The following CCDC178 variants were observed in gnomAD, a reference collection of about 807,000 sequenced individuals.
CCDC178 encodes coiled-coil domain containing 178.
CCDC178 carries 126 observed loss-of-function variants against 117.4 expected under a neutral mutation model. The ratio of observed to expected loss-of-function variants is 1.07; its 90% CI spans 0.93 to 1.24. The LOEUF is 1.24. CCDC178 is among the 50% of genes most tolerant of loss of function. The pLI, the probability that CCDC178 is intolerant of heterozygous loss-of-function variation, is 0.00. For synonymous variants in CCDC178, 283 were observed against 313.4 expected (o/e 0.90, Z 1.02); for missense variants, 1,030 against 986.9 (o/e 1.04, Z -0.59).
intron 14 of CCDC178, among the ~76,000 whole-genome samples, chr18:33,258,705 C>T (rs1485834638): frequency 6.6e-6 from 1 of 152,138 alleles, no homozygotes; most frequent in Admixed American, 6.6e-5. Flanking sequence ...CACACACCTG[C>T]TTTTTAAGTC....
chr18:33,385,193 C>G (rs1398891539), intron 5 of CCDC178, among the ~76,000 whole-genome samples: 2 of 152,176 alleles, frequency 1.3e-5, no homozygotes, highest in Non-Finnish European at 2.9e-5. Flanking sequence ...GTACCCAATA[C>G]AGGAGCACTG....
chr18:33,402,481 T>C (rs1488666230), intron 3 of CCDC178, among the ~76,000 whole-genome samples: 5 of 152,228 alleles, frequency 3.3e-5, no homozygotes, highest in Non-Finnish European at 7.3e-5. Context: ...GCAAGCCTCA[T>C]TCCTAAAGAA....
At chr18:33,346,652 A>G (rs879469646) in intron 8 of CCDC178, among the ~76,000 whole-genome samples, 1 of 152,112 alleles carries the variant, frequency 6.6e-6, no homozygotes, top group Non-Finnish European at 1.5e-5. Context: ...ATCTCAACCA[A>G]TATTTTCAGG....
At chr18:33,354,335 T>C (rs777140519) in intron 7 of CCDC178, among the ~76,000 whole-genome samples, 69 of 152,176 alleles carry the variant, frequency 4.5e-4, no homozygotes, top group Non-Finnish European at 7.4e-4. Context: ...TTTCATCAAA[T>C]TGAAGAGTTT....
chr18:33,249,389 T>G (rs2059590107), intron 14 of CCDC178, among the ~76,000 whole-genome samples: 1 of 152,150 alleles, frequency 6.6e-6, no homozygotes, highest in African/African-American at 2.4e-5. Context: ...TCTAGGGTTT[T>G]TATGGTTTTA....
At chr18:33,266,770 G>C (rs2059821167) in intron 14 of CCDC178, 146 bp downstream of exon 14, 2 of 829,088 alleles carry the variant, frequency 2.4e-6, no homozygotes, top group Admixed American at 7.3e-5. Flanking sequence ...AGTGACTAAA[G>C]GCAACATTTT....
chr18:33,218,731 T>C (rs879878841), intron 18 of CCDC178, among the ~76,000 whole-genome samples: 2 of 152,188 alleles, frequency 1.3e-5, no homozygotes, highest in African/African-American at 2.4e-5. Flanking sequence ...TTTCTTGTTT[T>C]TGCCAGGTTT....
chr18:33,041,909 A>C (rs947660682), intron 21 of CCDC178, among the ~76,000 whole-genome samples: 3 of 151,908 alleles, frequency 2.0e-5, no homozygotes, highest in African/African-American at 7.2e-5. Flanking sequence ...TTAGGGTACA[A>C]ATTTAGCATA....
intron 3 of CCDC178, among the ~76,000 whole-genome samples, chr18:33,402,916 T>C (rs2063728288): frequency 6.6e-6 from 1 of 152,238 alleles, no homozygotes; most frequent in East Asian, 1.9e-4. Flanking sequence ...AGACTTACTC[T>C]ATCAAAATCT....
At chr18:33,231,782 C>A (rs1363071028) in intron 15 of CCDC178, among the ~76,000 whole-genome samples, 1 of 152,146 alleles carries the variant, frequency 6.6e-6, no homozygotes, top group African/African-American at 2.4e-5. Context: ...TCAAGTCTCT[C>A]CAGCAACACG....
chr18:33,088,968 A>G (rs541206278), intron 21 of CCDC178, among the ~76,000 whole-genome samples: 5 of 152,294 alleles, frequency 3.3e-5, no homozygotes, highest in Admixed American at 1.3e-4. Context: ...TATTTTTTAA[A>G]GAGGAGGGCA....
intron 20 of CCDC178, among the ~76,000 whole-genome samples, chr18:33,186,103 A>T (rs2058791194): frequency 6.6e-6 from 1 of 152,078 alleles, no homozygotes; most frequent in Non-Finnish European, 1.5e-5. Context: ...TTCAAGTTAG[A>T]TACATATGAT....
rs2062913297 is a variant in CCDC178 at position 33,347,532 on chromosome 18, A to AT, written c.458-1122dup. Among the ~76,000 whole-genome samples the AT allele has an allele frequency of 2.0e-5, 3 of 152,188 alleles. No homozygotes were observed. In the East Asian group the frequency reaches 5.8e-4, roughly 29 times the overall value. ...TCCTTTATTTGGCATCTTTGAATCT[A>AT]TTGTTTTCTTTTGTCAAATTCTACC... On this transcript the variant is annotated intron_variant, in intron 8 of 22. Coordinates refer to ENST00000383096, the MANE Select transcript of CCDC178 (RefSeq NM_001105528.4).
chr18:33,124,503 T>G (rs271572), intron 20 of CCDC178, among the ~76,000 whole-genome samples: 24,268 of 152,176 alleles, frequency 0.16, 2,679 homozygotes, highest in African/African-American at 0.32. Context: ...AATTATTTAT[T>G]TTCTAGTTAC....
At chr18:33,293,784 G>A (rs551295652) in intron 11 of CCDC178, among the ~76,000 whole-genome samples, 9 of 152,238 alleles carry the variant, frequency 5.9e-5, no homozygotes, top group African/African-American at 1.9e-4. Context: ...ATACTACTTA[G>A]ATGTTAAGTA....
intron 3 of CCDC178, among the ~76,000 whole-genome samples, chr18:33,402,975 T>C (rs2063729241): frequency 6.6e-6 from 1 of 152,224 alleles, no homozygotes; most frequent in Non-Finnish European, 1.5e-5. Context: ...TTCTGCAGGT[T>C]ACTGTGATGC....
chr18:33,381,040 C>G (rs1001003562), intron 5 of CCDC178, among the ~76,000 whole-genome samples: 1 of 152,182 alleles, frequency 6.6e-6, no homozygotes, highest in African/African-American at 2.4e-5. Flanking sequence ...TAAATCACAT[C>G]TGAATCCTCC....
intron 20 of CCDC178, among the ~76,000 whole-genome samples, chr18:33,189,515 C>A (rs981551552): frequency 2.0e-5 from 3 of 152,048 alleles, no homozygotes; most frequent in African/African-American, 7.2e-5. Flanking sequence ...TAATGGTTAG[C>A]CCTGTATCTT....
At chr18:33,175,034 AT>A (rs548936835) in intron 20 of CCDC178, among the ~76,000 whole-genome samples, 132 of 147,542 alleles carry the variant, frequency 8.9e-4, no homozygotes, top group African/African-American at 2.9e-3. Flanking sequence ...TTATTTTTTT[AT>A]TTTTTTATTT....
Sources: gnomAD v4.1 joint callset for allele counts (sites outside exome capture counted in the v4.1 genomes callset) on GRCh38, gnomAD v4.1.1 for gene constraint, MANE v1.5 for transcripts, NCBI Gene and HGNC (gene_info 2026-07-23, HGNC 2026-07-21) for gene names.